Variants in CNTN4 observed in about 807,000 individuals in gnomAD.
CNTN4 encodes contactin 4, also known as contactin-4.
In CNTN4, 77 loss-of-function variants were observed where a neutral mutation model predicts 122.5. The ratio of observed to expected loss-of-function variants is 0.63; its 90% CI spans 0.52 to 0.76. The LOEUF is 0.76. CNTN4 is among the 30% of genes least tolerant of loss of function. The probability of loss-of-function intolerance (pLI) is 0.00; values close to 1 mark genes in which losing one functional copy is unlikely to be tolerated. For synonymous variants in CNTN4, 512 were observed against 447.0 expected (o/e 1.15, Z -1.83); for missense variants, 1,256 against 1,259.1 (o/e 1.00, Z 0.04).
intron 4 of CNTN4, among the ~76,000 whole-genome samples, chr3:2,601,517 G>A (rs887990243): frequency 1.3e-5 from 2 of 152,122 alleles, no homozygotes; most frequent in Admixed American, 6.6e-5. Context: ...TTATAGATGT[G>A]TGGTATTATT....
chr3:2,887,983 C>T (rs2093997611), intron 10 of CNTN4, among the ~76,000 whole-genome samples: 1 of 152,096 alleles, frequency 6.6e-6, no homozygotes, highest in South Asian at 2.1e-4. Flanking sequence ...AAAACAAATA[C>T]TATAGATTGA....
chr3:3,047,064 C>T (rs934330746), intron 23 of CNTN4, among the ~76,000 whole-genome samples: 4 of 150,790 alleles, frequency 2.7e-5, no homozygotes, highest in African/African-American at 4.9e-5. Flanking sequence ...ATCAATTCAA[C>T]AAGAAGAGCT....
In CNTN4 at chr3:3,040,111, C is replaced by A. The variant is rs1396146221; in HGVS notation, c.2238C>A (p.Ile746=). The A allele has an allele frequency of 6.2e-7, 1 of 1,614,154 alleles. No homozygotes were observed. Among genetic ancestry groups the A allele is most frequent in the Non-Finnish European group, 8.5e-7 (1 of 1,179,992 alleles). ...CCTTCCGGCCCTACGGTAAAATGATCTGGATGCTGACAGTGCTGGCCTCAG... is the reference window on the plus strand; with the variant it reads ...CCTTCCGGCCCTACGGTAAAATGATATGGATGCTGACAGTGCTGGCCTCAG... The part of the protein sequence containing the change: ...VVAFRPYGKM[I]WMLTVLASAD... The change falls in exon 20 of 25, where the codon ATC becomes ATA. Residue 746 remains isoleucine (I), a synonymous_variant. Coordinates refer to ENST00000418658, the MANE Select transcript of CNTN4 (RefSeq NM_175607.3).
chr3:2,389,326 GC>G (rs1185450609), intron 3 of CNTN4, among the ~76,000 whole-genome samples: 29 of 142,004 alleles, frequency 2.0e-4, no homozygotes, highest in African/African-American at 6.7e-4. Flanking sequence ...TCTTCACATG[GC>G]TGCAGCCTTC....
intron 3 of CNTN4, among the ~76,000 whole-genome samples, chr3:2,422,631 G>A (rs984276834): frequency 2.0e-5 from 3 of 152,272 alleles, no homozygotes; most frequent in African/African-American, 7.2e-5. Flanking sequence ...GTCTGGATGG[G>A]TTACAAGAAT....
intron 2 of CNTN4, among the ~76,000 whole-genome samples, chr3:2,177,466 G>C (rs2036800639): frequency 6.6e-6 from 1 of 151,996 alleles, no homozygotes; most frequent in South Asian, 2.1e-4. Flanking sequence ...ACTTCTTGAG[G>C]CTGCTTCCTG....
intron 3 of CNTN4, among the ~76,000 whole-genome samples, chr3:2,469,838 G>A (rs1036116840): frequency 1.6e-4 from 25 of 152,222 alleles, no homozygotes; most frequent in African/African-American, 4.8e-4. Flanking sequence ...AGTGAAAAAC[G>A]TAAATAACTT....
chr3:2,655,051 G>A lies in CNTN4; in HGVS notation c.56-81164G>A, dbSNP rs530877262. Reference sequence around the variant, plus strand: ...ATAATTGTTTATGAGGAAATTTTTTGTCTCTCTAAGGTGCAGCCACGTAGA... The same window carrying A: ...ATAATTGTTTATGAGGAAATTTTTTATCTCTCTAAGGTGCAGCCACGTAGA... On this transcript the variant is annotated intron_variant, in intron 4 of 24. Transcript: ENST00000418658. Among the ~76,000 whole-genome samples the A allele has an allele frequency of 5.3e-5, 8 of 152,222 alleles. No individual in the cohort carries two copies. In the South Asian group the frequency reaches 6.2e-4, roughly 12 times the overall value.
At chr3:2,691,447 C>T (rs2085734375) in intron 4 of CNTN4, among the ~76,000 whole-genome samples, 1 of 152,090 alleles carries the variant, frequency 6.6e-6, no homozygotes, top group Admixed American at 6.6e-5. Context: ...TTCAGTTTTA[C>T]TCCCAATGTG....
chr3:2,698,429 C>T (rs578083458), intron 4 of CNTN4, among the ~76,000 whole-genome samples: 3 of 152,206 alleles, frequency 2.0e-5, no homozygotes, highest in South Asian at 2.1e-4. Flanking sequence ...TGACTTCATG[C>T]GGACCACGCC....
intron 4 of CNTN4, among the ~76,000 whole-genome samples, chr3:2,726,368 T>G (rs976821239): frequency 1.3e-5 from 2 of 152,240 alleles, no homozygotes; most frequent in African/African-American, 4.8e-5. Flanking sequence ...TTATCAATGC[T>G]AAGCAGTGTC....
intron 7 of CNTN4, among the ~76,000 whole-genome samples, chr3:2,832,054 C>T (rs2093117253): frequency 6.6e-6 from 1 of 152,194 alleles, no homozygotes; most frequent in African/African-American, 2.4e-5. Flanking sequence ...ATGAGAAAGA[C>T]ATTCATGTAC....
Position 2,201,580 on chromosome 3 carries a change from T to C in CNTN4, c.-145+100941T>C, listed in dbSNP as rs533756318. Among the ~76,000 whole-genome samples, 8 of 152,212 alleles carry C rather than the reference T, an allele frequency of 5.3e-5. No individual in the cohort carries two copies. The South Asian group carries it at 1.7e-3, about 32-fold the overall frequency. ...CAAAGTATTGCTAAAAATAACCAGTTCTGAAAAGATTCATTTCTTTTCAGA... is the reference window on the plus strand; with the variant it reads ...CAAAGTATTGCTAAAAATAACCAGTCCTGAAAAGATTCATTTCTTTTCAGA... On this transcript the variant is annotated intron_variant, in intron 2 of 24. Coordinates refer to ENST00000418658, the MANE Select transcript of CNTN4 (RefSeq NM_175607.3).
chr3:2,362,709 C>CTTGGG, intron 3 of CNTN4: 1 of 338,410 alleles, frequency 3.0e-6, no homozygotes, highest in South Asian at 2.5e-5. Context: ...CATTCACTTA[C>CTTGGG]TTGGGAGCTG....
At chr3:2,135,825 C>T (rs1443005617) in intron 2 of CNTN4, among the ~76,000 whole-genome samples, 3 of 152,122 alleles carry the variant, frequency 2.0e-5, no homozygotes, top group Non-Finnish European at 2.9e-5. Flanking sequence ...TGGTCTACAG[C>T]GAATTGGAGA....
intron 3 of CNTN4, among the ~76,000 whole-genome samples, chr3:2,436,297 C>T (rs1464857595): frequency 2.0e-5 from 3 of 151,976 alleles, no homozygotes; most frequent in Admixed American, 6.6e-5. Context: ...AAGATAATGC[C>T]ATCCATGTGT....
At chr3:2,930,224 A>G (rs1181229023) in intron 13 of CNTN4, among the ~76,000 whole-genome samples, 2 of 152,098 alleles carry the variant, frequency 1.3e-5, no homozygotes, top group African/African-American at 4.8e-5. Flanking sequence ...GCATCCTCTC[A>G]CTGTTTTGGT....
chr3:2,349,539 G>T (rs1247184781), intron 3 of CNTN4, among the ~76,000 whole-genome samples: 3 of 152,104 alleles, frequency 2.0e-5, no homozygotes, highest in African/African-American at 4.8e-5. Flanking sequence ...AGTCAAAGAT[G>T]TACTAACAGA....
At chr3:2,840,856 T>C (rs1352036827) in intron 7 of CNTN4, among the ~76,000 whole-genome samples, 1 of 152,102 alleles carries the variant, frequency 6.6e-6, no homozygotes, top group Non-Finnish European at 1.5e-5. Flanking sequence ...AGCAATTTGC[T>C]GTGTGACCTC....
Sources: gnomAD v4.1 joint callset for allele counts (sites outside exome capture counted in the v4.1 genomes callset) on GRCh38, gnomAD v4.1.1 for gene constraint, MANE v1.5 for transcripts, NCBI Gene and HGNC (gene_info 2026-07-23, HGNC 2026-07-21) for gene names.